ATP2A3: variants seen among roughly 807,000 people sequenced by gnomAD.
ATP2A3 encodes the protein ATPase sarcoplasmic/endoplasmic reticulum Ca2+ transporting 3.
In ATP2A3, 61 loss-of-function variants were observed where a neutral mutation model predicts 106.8. That is an observed-to-expected ratio of 0.57 (90% CI 0.46 to 0.71). ATP2A3 has a LOEUF of 0.71. ATP2A3 is among the 30% of genes least tolerant of loss of function. ATP2A3 has a pLI of 0.00. For synonymous variants in ATP2A3, 611 were observed against 609.3 expected, an observed-to-expected ratio of 1.00 and a Z score of -0.04; for missense variants, 1,201 against 1,423.5, an observed-to-expected ratio of 0.84 and a Z score of 2.52.
intron 8 of ATP2A3, among the ~76,000 whole-genome samples, chr17:3,946,725 C>T (rs764771996): frequency 5.9e-5 from 9 of 152,160 alleles, no homozygotes; most frequent in Non-Finnish European, 1.2e-4. Context: ...TTTCCAAGCC[C>T]AGTGGGCAGA....
intron 20 of ATP2A3, chr17:3,927,874 G>C: frequency 6.4e-7 from 1 of 1,572,700 alleles, no homozygotes; most frequent in Non-Finnish European, 8.6e-7. Flanking sequence ...CGACCCAGCT[G>C]CCCCAGTGCA....
Position 3,950,499 on chromosome 17 carries a change from C to T in ATP2A3, c.630+12G>A. 3 of 1,613,056 alleles carry T rather than the reference C, an allele frequency of 1.9e-6. No individual in the cohort carries two copies. Among genetic ancestry groups the T allele is most frequent in the Non-Finnish European group, 1.7e-6 (2 of 1,179,060 alleles). On this transcript the variant is annotated intron_variant, in intron 7 of 20. Transcript: ENST00000397041. Reference sequence around the variant, plus strand: ...TCATTGTCTGGGCAAAGGCCCCAGACATTTGACTTACAGAAAACAGCATGT... The same window carrying T: ...TCATTGTCTGGGCAAAGGCCCCAGATATTTGACTTACAGAAAACAGCATGT...
At chr17:3,943,179 C>T (rs992081835) in intron 11 of ATP2A3, among the ~76,000 whole-genome samples, 2 of 151,148 alleles carry the variant, frequency 1.3e-5, no homozygotes, top group African/African-American at 2.4e-5. Flanking sequence ...GGTCGAGGCA[C>T]GAGAATCACT....
intron 17 of ATP2A3, among the ~76,000 whole-genome samples, chr17:3,932,719 C>T (rs898664893): frequency 2.6e-5 from 4 of 151,892 alleles, no homozygotes; most frequent in Admixed American, 6.5e-5. Context: ...GGATTATAGG[C>T]GTGAGCAGCC....
At position 3,926,467 on chromosome 17, in the gene ATP2A3, G is replaced by C. The variant is rs142060184; in HGVS notation, c.2981-1026C>G. 3.2e-3 allele frequency among the ~76,000 whole-genome samples: 493 copies of C among 152,254 alleles called. No homozygotes were observed. The highest frequency in any genetic ancestry group is 0.011 in the African/African-American group (463 of 41,538). ...CAAGCCAAACTTCACAGGGACCACC[G>C]TCAACATCTCAAGGAGGTGGAGGTG... is the stretch of plus-strand genomic sequence containing the variant. On this transcript the variant is annotated intron_variant, in intron 20 of 20. Coordinates refer to ENST00000397041, the MANE Select transcript of ATP2A3 (RefSeq NM_005173.4). This position sits in a 1 kb window ranked among gnomAD's most constrained non-coding sequence, Gnocchi z 4.6.
In ATP2A3 at chr17:3,928,133, C is replaced by T; in HGVS notation, c.2980+530G>A. The stretch of plus-strand genomic sequence containing the variant: ...AGCCCACTTCTCTCCAGCCCGACAC[C>T]TGCCATCCTGTCCTCTCCACTCCGG... On this transcript the variant is annotated intron_variant, in intron 20 of 20. Transcript: ENST00000397041. The surrounding 1 kb of genome is among the most constrained non-coding windows in gnomAD (Gnocchi z 6.1). 6.2e-7 allele frequency: 1 copy of T among 1,600,080 alleles called. No homozygotes were observed. Among genetic ancestry groups the T allele is most frequent in the Non-Finnish European group, 8.6e-7 (1 of 1,167,584 alleles).
intron 14 of ATP2A3, 114 bp downstream of exon 14, chr17:3,940,856 TA>T: frequency 7.7e-7 from 1 of 1,293,040 alleles, no homozygotes; most frequent in Non-Finnish European, 1.1e-6. Flanking sequence ...TTTTTGGTAA[TA>T]AGATGTTAGA....
At chr17:3,934,997 C>T (rs1457836151) in intron 17 of ATP2A3, 195 bp downstream of exon 17, 5 of 624,868 alleles carry the variant, frequency 8.0e-6, no homozygotes, top group South Asian at 3.6e-5. Flanking sequence ...GCGCCTTTGG[C>T]TTGGGGGTCC....
chr17:3,934,522 CTT>C lies in ATP2A3; in HGVS notation c.2610+668_2610+669del, dbSNP rs111586874. Reference sequence around the variant, plus strand: ...CACCATGCCCAGCCTCCCCTCGATTCTTTTTTTTTTTTTTTTCTTGAGATGGA... The same window carrying C: ...CACCATGCCCAGCCTCCCCTCGATTCTTTTTTTTTTTTTTCTTGAGATGGA... On this transcript the variant is annotated intron_variant, in intron 17 of 20. Transcript: ENST00000397041. Among the ~76,000 whole-genome samples the C allele has an allele frequency of 4.3e-3, 527 of 123,372 alleles. 6 individuals carry two copies. Among genetic ancestry groups the C allele is most frequent in the African/African-American group, 0.016 (491 of 31,408 alleles). The allele number at this position is 123,372 out of a possible 152,430, so 80.9% of individuals were successfully genotyped here. A position where few individuals can be genotyped will look rare whatever the true frequency, so the allele number is the denominator to read the frequency against.
intron 8 of ATP2A3, among the ~76,000 whole-genome samples, chr17:3,946,064 A>G (rs2054096767): frequency 6.6e-6 from 1 of 151,854 alleles, no homozygotes; most frequent in Non-Finnish European, 1.5e-5. Flanking sequence ...CCTGGCTAAC[A>G]TGGTGAAACC....
chr17:3,941,340 A>C, intron 13 of ATP2A3, 34 bp from the exon 14 acceptor site: 1 of 1,613,428 alleles, frequency 6.2e-7, no homozygotes, highest in Non-Finnish European at 8.5e-7. Context: ...GCGGGGCCTG[A>C]GCCCATCCCT....
intron 1 of ATP2A3, among the ~76,000 whole-genome samples, chr17:3,960,168 C>A (rs1414350558): frequency 6.6e-6 from 1 of 152,222 alleles, no homozygotes; most frequent in African/African-American, 2.4e-5. Context: ...GCCAAGTCTG[C>A]CCAATGCCAC....
rs2054557746 is a variant in ATP2A3, at chr17:3,953,243, T to A, written c.219+104A>T. 1 of 1,283,952 alleles carries A rather than the reference T, an allele frequency of 7.8e-7. No individual in the cohort carries two copies. The highest frequency in any genetic ancestry group is 1.1e-6 in the Non-Finnish European group (1 of 881,742). The allele number at this position is 1,283,952 out of a possible 1,614,324, so 79.5% of individuals were successfully genotyped here. ...GGAAGGCCAGGGCGCAGGCCCAGGGTGTGGAGGACAGGCCCAGGCTCCAGG... is the reference window on the plus strand; with the variant it reads ...GGAAGGCCAGGGCGCAGGCCCAGGGAGTGGAGGACAGGCCCAGGCTCCAGG... On this transcript the variant is annotated intron_variant, in intron 3 of 20. Transcript: ENST00000397041. This position sits in a 1 kb window ranked among gnomAD's most constrained non-coding sequence, Gnocchi z 5.1.
chr17:3,932,211 T>C (rs574553231), intron 17 of ATP2A3, among the ~76,000 whole-genome samples: 2 of 152,186 alleles, frequency 1.3e-5, no homozygotes, highest in African/African-American at 4.8e-5. Flanking sequence ...TGGCGTGATC[T>C]TGGCTCACTG....
At position 3,930,579 on chromosome 17, in the gene ATP2A3, C is replaced by A; in HGVS notation, c.2611-145G>T. The A allele has an allele frequency of 2.3e-6, 1 of 429,374 alleles. No homozygotes were observed. The highest frequency in any genetic ancestry group is 4.3e-6 in the Non-Finnish European group (1 of 234,706). The allele number at this position is 429,374 out of a possible 1,614,324, so 26.6% of individuals were successfully genotyped here. ...CTGCCGTGGGGTGGGCTGGGGATCC[C>A]GGGAGGGGTGCGGGGTCGGGGCGGC... On this transcript the variant is annotated intron_variant, in intron 17 of 20. Coordinates refer to ENST00000397041, the MANE Select transcript of ATP2A3 (RefSeq NM_005173.4). The surrounding 1 kb of genome is among the most constrained non-coding windows in gnomAD (Gnocchi z 5.4).
rs57523552 is a variant in ATP2A3 at position 3,929,880 on chromosome 17, A to G, written c.2744+421T>C. The stretch of plus-strand genomic sequence containing the variant: ...GGACTCCCCTGACCCCTGGAACCCA[A>G]TCCTGGACCCTTGACCCTCTGATCC... On this transcript the variant is annotated intron_variant, in intron 18 of 20. Transcript: ENST00000397041. This position sits in a 1 kb window ranked among gnomAD's most constrained non-coding sequence, Gnocchi z 4.3. Among the ~76,000 whole-genome samples the G allele has an allele frequency of 0.058, 8,687 of 150,068 alleles. 856 individuals are homozygous for G. The highest frequency in any genetic ancestry group is 0.2 in the African/African-American group (8,188 of 40,186).
rs751569467 is a variant in ATP2A3, at chr17:3,941,438, C to G, written c.1762G>C (p.Glu588Gln). The change falls in exon 13 of 21, where the codon GAG (glutamate) becomes CAG (glutamine). Residue 588 changes from glutamate to glutamine, a missense_variant and splice_region_variant. This residue lies in a region of ATP2A3 where 935 missense variants were observed against 1,176.7 expected (regional missense o/e 0.79). Coordinates refer to ENST00000397041, the MANE Select transcript of ATP2A3 (RefSeq NM_005173.4). ...GGAGAATCGGCTCCTGCACCCACCT[C>G]GTACTGCACAAACTTGCTGCAGTCG... is the stretch of plus-strand genomic sequence containing the variant. ...LDDCSKFVQY[E>Q]TDLTFVGCVG... The G allele has an allele frequency of 6.2e-7, 1 of 1,614,108 alleles. No homozygotes were observed. Among genetic ancestry groups the G allele is most frequent in the Non-Finnish European group, 8.5e-7 (1 of 1,180,030 alleles).
intron 14 of ATP2A3, among the ~76,000 whole-genome samples, chr17:3,938,559 GGTGGGGGACA>G (rs1007908326): frequency 2.0e-5 from 3 of 150,824 alleles, no homozygotes. Context: ...CTTTTTTTTT[GGTGGGGGACA>G]GAGTCTCACT....
At position 3,964,276 on chromosome 17, in the gene ATP2A3, G is replaced by C; in HGVS notation, c.16C>G (p.Leu6Val). The C allele has an allele frequency of 6.2e-6, 8 of 1,281,608 alleles. No individual in the cohort carries two copies. The highest frequency in any genetic ancestry group is 8.0e-6 in the Non-Finnish European group (8 of 1,001,206). The allele number at this position is 1,281,608 out of a possible 1,614,324, so 79.4% of individuals were successfully genotyped here. The change falls in exon 1 of 21, where the codon CTG (leucine) becomes GTG (valine). Residue 6 changes from leucine (L) to valine (V), a missense_variant. Around this residue, in one of 2 missense-constraint regions of ATP2A3, gnomAD observed 266 missense variants for 246.8 expected, o/e 1.08. Transcript: ENST00000397041. ...CGCAGCACGTCGGCGGCCGGGAGCAGATGCGCCGCCTCCATGCCGCCCGCC... is the reference window on the plus strand; with the variant it reads ...CGCAGCACGTCGGCGGCCGGGAGCACATGCGCCGCCTCCATGCCGCCCGCC... MEAAH[L>V]LPAADVLRHF...
Sources: allele counts gnomAD v4.1 joint callset (sites outside exome capture counted in the v4.1 genomes callset), GRCh38; gene constraint gnomAD v4.1.1; regional missense constraint gnomAD v4.1.1; non-coding constraint Gnocchi (gnomAD v3.1); transcripts MANE v1.5; gene names NCBI Gene and HGNC (gene_info 2026-07-23, HGNC 2026-07-21).